The following CADM2 variants were observed in gnomAD, a reference collection of about 807,000 sequenced individuals.
CADM2 encodes the protein cell adhesion molecule 2, also known as immunoglobulin superfamily member 4D.
A neutral mutation model predicts 49.8 loss-of-function variants in CADM2; 12 were observed. That is an observed-to-expected ratio of 0.24 (90% CI 0.15 to 0.39). The LOEUF (loss-of-function observed/expected upper bound fraction) is 0.39. CADM2 is among the 10% of genes least tolerant of loss of function. The probability of loss-of-function intolerance (pLI) is 1.00; values close to 1 mark genes in which losing one functional copy is unlikely to be tolerated. For synonymous variants in CADM2, 214 were observed against 175.4 expected, an observed-to-expected ratio of 1.22 and a Z score of -1.74; for missense variants, 378 against 492.3, an observed-to-expected ratio of 0.77 and a Z score of 2.20.
At chr3:85,693,201 A>T (rs1423767338) in intron 1 of CADM2, among the ~76,000 whole-genome samples, 6 of 151,540 alleles carry the variant, frequency 4.0e-5, no homozygotes, top group African/African-American at 1.5e-4. Flanking sequence ...GTGAGTCTAG[A>T]TTGCGCCACT....
chr3:85,428,439 T>A (rs1018529683), intron 1 of CADM2, among the ~76,000 whole-genome samples: 2 of 145,708 alleles, frequency 1.4e-5, no homozygotes, highest in Non-Finnish European at 3.0e-5. Flanking sequence ...TATATATATA[T>A]AGATATATAT....
chr3:85,590,190 CA>C (rs1393022982), intron 1 of CADM2, among the ~76,000 whole-genome samples: 1 of 151,794 alleles, frequency 6.6e-6, no homozygotes, highest in Non-Finnish European at 1.5e-5. Flanking sequence ...TAGAGCCAAG[CA>C]GAAAAATAGA....
Position 85,655,820 on chromosome 3 carries a change from A to G in CADM2, c.62-70702A>G, listed in dbSNP as rs575929136. Among the ~76,000 whole-genome samples the G allele has an allele frequency of 1.6e-4, 24 of 152,320 alleles. No individual in the cohort carries two copies. The South Asian group carries it at 5.0e-3, about 32-fold the overall frequency. On this transcript the variant is annotated intron_variant, in intron 1 of 9. Coordinates refer to ENST00000383699, the MANE Select transcript of CADM2 (RefSeq NM_001167675.2). ...GGCCCCATTCCCCAAGTTTCTTAGT[A>G]GGTGTGAGATAGAATTCAATAGCAC...
intron 3 of CADM2, among the ~76,000 whole-genome samples, chr3:85,853,004 G>A (rs181007680): frequency 1.2e-4 from 18 of 152,014 alleles, no homozygotes; most frequent in East Asian, 5.8e-4. Flanking sequence ...ACTTTAAAAC[G>A]AATAAAAATA....
At chr3:85,334,815 T>A (rs112403321) in intron 1 of CADM2, among the ~76,000 whole-genome samples, 3 of 151,530 alleles carry the variant, frequency 2.0e-5, no homozygotes, top group African/African-American at 7.2e-5. Flanking sequence ...AAATAAAGCA[T>A]GAAGAAGCTA....
At chr3:85,844,649 T>A (rs1317155117) in intron 3 of CADM2, among the ~76,000 whole-genome samples, 1 of 152,192 alleles carries the variant, frequency 6.6e-6, no homozygotes, top group African/African-American at 2.4e-5. Flanking sequence ...AATAACCATA[T>A]TTGAAAAGCA....
intron 1 of CADM2, among the ~76,000 whole-genome samples, chr3:85,388,574 A>G (rs987174710): frequency 2.6e-5 from 4 of 152,164 alleles, no homozygotes; most frequent in South Asian, 4.2e-4. Context: ...ATATGGCAAT[A>G]CTCCTCATTT....
intron 1 of CADM2, among the ~76,000 whole-genome samples, chr3:85,631,288 G>T (rs553263301): frequency 9.9e-4 from 151 of 152,154 alleles, no homozygotes; most frequent in African/African-American, 3.4e-3. Context: ...AAGTGCTGAA[G>T]ATACTGTGGG....
chr3:85,996,880 A>G (rs1347375387), intron 8 of CADM2, among the ~76,000 whole-genome samples: 2 of 152,116 alleles, frequency 1.3e-5, no homozygotes, highest in Admixed American at 1.3e-4. Context: ...AAGATAAACA[A>G]TCCCTATTTT....
chr3:85,290,450 G>C (rs1344378830), intron 1 of CADM2, among the ~76,000 whole-genome samples: 3 of 152,216 alleles, frequency 2.0e-5, no homozygotes. Flanking sequence ...GCTCAAGGAG[G>C]CCTGCTTGCC....
At chr3:85,663,239 A>G (rs919072918) in intron 1 of CADM2, among the ~76,000 whole-genome samples, 1 of 152,008 alleles carries the variant, frequency 6.6e-6, no homozygotes, top group East Asian at 1.9e-4. Context: ...AGATTACTCC[A>G]TACTCCCTTG....
intron 1 of CADM2, among the ~76,000 whole-genome samples, chr3:85,021,208 T>C (rs1445629132): frequency 6.6e-6 from 1 of 150,962 alleles, no homozygotes; most frequent in Non-Finnish European, 1.5e-5. Flanking sequence ...CACAGTGAAA[T>C]AGTCCAAATT....
At chr3:85,492,373 C>A (rs1010704858) in intron 1 of CADM2, among the ~76,000 whole-genome samples, 1 of 152,060 alleles carries the variant, frequency 6.6e-6, no homozygotes, top group African/African-American at 2.4e-5. Flanking sequence ...GTGAGGACCA[C>A]CTGAATTCAG....
chr3:85,004,502 T>C (rs1325576605), intron 1 of CADM2, among the ~76,000 whole-genome samples: 1 of 152,132 alleles, frequency 6.6e-6, no homozygotes, highest in African/African-American at 2.4e-5. Context: ...TACTGTAAAG[T>C]CATACTGCCA....
chr3:86,002,375 A>G (rs1279030187), intron 8 of CADM2, among the ~76,000 whole-genome samples: 1 of 152,112 alleles, frequency 6.6e-6, no homozygotes, highest in Non-Finnish European at 1.5e-5. Flanking sequence ...TGACAGTGCC[A>G]TATATGTTAA....
chr3:85,607,828 T>A (rs1427929495), intron 1 of CADM2, among the ~76,000 whole-genome samples: 1 of 151,958 alleles, frequency 6.6e-6, no homozygotes, highest in Non-Finnish European at 1.5e-5. Context: ...AGCTAATTTT[T>A]GTATTTTTAG....
At position 85,912,468 on chromosome 3, in the gene CADM2, G is replaced by C; in HGVS notation, c.625G>C (p.Ala209Pro). 6.2e-7 allele frequency: 1 copy of C among 1,614,136 alleles called. No homozygotes were observed. Among genetic ancestry groups the C allele is most frequent in the South Asian group, 1.1e-5 (1 of 91,082 alleles). Residue 209 changes from alanine to proline, a missense_variant, in exon 6 of 10, where the codon GCG (alanine) becomes CCG (proline). Coordinates refer to ENST00000383699, the MANE Select transcript of CADM2 (RefSeq NM_001167675.2). The stretch of plus-strand genomic sequence containing the variant: ...AGTGGACCGGAGTGATGATGGAGTG[G>C]CGGTCATCTGCAGAGTAGATCACGA... ...FRVDRSDDGV[A>P]VICRVDHESL...
intron 1 of CADM2, among the ~76,000 whole-genome samples, chr3:85,064,028 G>C (rs1291244910): frequency 5.9e-5 from 9 of 152,050 alleles, no homozygotes. Context: ...GAAATGACAA[G>C]ACATTGAAGG....
intron 1 of CADM2, among the ~76,000 whole-genome samples, chr3:85,484,340 A>G (rs1186283247): frequency 6.6e-6 from 1 of 151,876 alleles, no homozygotes; most frequent in Non-Finnish European, 1.5e-5. Context: ...GAAGTACTTT[A>G]TCTTTTTATA....
Sources: gnomAD v4.1 joint callset for allele counts (sites outside exome capture counted in the v4.1 genomes callset) on GRCh38, gnomAD v4.1.1 for gene constraint, MANE v1.5 for transcripts, NCBI Gene and HGNC (gene_info 2026-07-23, HGNC 2026-07-21) for gene names.